The following MGLL variants were observed in gnomAD, a reference collection of about 807,000 sequenced individuals.
MGLL encodes the protein lysophospholipase homolog.
In MGLL, 7 loss-of-function variants were observed where a neutral mutation model predicts 29.1. The ratio of observed to expected loss-of-function variants is 0.24; its 90% confidence interval spans 0.14 to 0.45. The LOEUF is 0.45. MGLL is among the 20% of genes least tolerant of loss of function. MGLL has a pLI of 0.99. For synonymous variants in MGLL, 148 were observed against 168.3 expected, an observed-to-expected ratio of 0.88 and a Z score of 0.93; for missense variants, 356 against 413.6, an observed-to-expected ratio of 0.86 and a Z score of 1.21.
intron 3 of MGLL, among the ~76,000 whole-genome samples, chr3:127,772,829 T>C (rs1576267412): frequency 1.3e-5 from 2 of 152,086 alleles, no homozygotes; most frequent in African/African-American, 4.8e-5. Context: ...GAGGCCTTAT[T>C]AAAGGGGCTG....
chr3:127,819,283 G>T (rs1000519913), intron 2 of MGLL, among the ~76,000 whole-genome samples: 1 of 152,202 alleles, frequency 6.6e-6, no homozygotes, highest in Non-Finnish European at 1.5e-5. Flanking sequence ...CTCACGGCAG[G>T]CTCCAGGAGC....
At chr3:127,737,654 T>TTTTTTTTTTTTTTTTTTTTC (rs2076266330) in intron 3 of MGLL, among the ~76,000 whole-genome samples, 1 of 83,882 alleles carries the variant, frequency 1.2e-5, no homozygotes, top group African/African-American at 4.2e-5. Context: ...TTTTTTTTTT[T>TTTTTTTTTTTTTTTTTTTTC]TTTTTGTGAG....
At chr3:127,747,343 C>T (rs1399867225) in intron 3 of MGLL, among the ~76,000 whole-genome samples, 1 of 152,180 alleles carries the variant, frequency 6.6e-6, no homozygotes, top group Non-Finnish European at 1.5e-5. Context: ...CTTGTCTCTC[C>T]CCTAGAAAAA....
chr3:127,762,887 G>A (rs1398177742), intron 3 of MGLL, among the ~76,000 whole-genome samples: 1 of 152,228 alleles, frequency 6.6e-6, no homozygotes, highest in Non-Finnish European at 1.5e-5. Flanking sequence ...TCACAGACAG[G>A]AGATGTGATG....
chr3:127,738,226 G>A (rs912899332), intron 3 of MGLL, among the ~76,000 whole-genome samples: 4 of 151,906 alleles, frequency 2.6e-5, no homozygotes, highest in South Asian at 2.1e-4. Context: ...GCTTGAGCCC[G>A]GGAAGTTGAG....
chr3:127,789,483 G>A (rs1301129045), intron 2 of MGLL, among the ~76,000 whole-genome samples: 1 of 152,208 alleles, frequency 6.6e-6, no homozygotes, highest in African/African-American at 2.4e-5. Flanking sequence ...CAAAGTAGGG[G>A]AAGACTGCTT....
intron 2 of MGLL, among the ~76,000 whole-genome samples, chr3:127,794,786 A>G (rs2107728349): frequency 6.6e-6 from 1 of 152,316 alleles, no homozygotes. Flanking sequence ...TCTATGATGT[A>G]AGACTCTCTT....
intron 5 of MGLL, chr3:127,715,845 T>G (rs1350021461): frequency 2.2e-6 from 1 of 455,874 alleles, no homozygotes; most frequent in Non-Finnish European, 4.4e-6. Context: ...CAGAGGGGAG[T>G]TGCTCACCCA....
intron 6 of MGLL, among the ~76,000 whole-genome samples, chr3:127,701,369 A>G (rs1485529203): frequency 1.3e-5 from 2 of 151,982 alleles, no homozygotes; most frequent in African/African-American, 4.8e-5. Flanking sequence ...TCTCCCACAC[A>G]TTCCCTCCCA....
At chr3:127,722,604 C>A in intron 3 of MGLL, 38 bp from the exon 4 acceptor site, 1 of 1,614,110 alleles carries the variant, frequency 6.2e-7, no homozygotes, top group Non-Finnish European at 8.5e-7. Context: ...GCTGCAGTTA[C>A]CAGGTCGACT....
chr3:127,800,150 G>A (rs978309086), intron 2 of MGLL, among the ~76,000 whole-genome samples: 1 of 152,046 alleles, frequency 6.6e-6, no homozygotes, highest in African/African-American at 2.4e-5. Flanking sequence ...ACCAGCTTTG[G>A]TGATTGAACC....
At chr3:127,716,535 T>G (rs1245821312) in intron 5 of MGLL, among the ~76,000 whole-genome samples, 1 of 152,250 alleles carries the variant, frequency 6.6e-6, no homozygotes, top group Admixed American at 6.5e-5. Context: ...GTCCCACAGC[T>G]GAAGTCAACA....
intron 2 of MGLL, among the ~76,000 whole-genome samples, chr3:127,792,488 G>A (rs1218562963): frequency 6.6e-6 from 1 of 152,120 alleles, no homozygotes; most frequent in Non-Finnish European, 1.5e-5. Flanking sequence ...CAGATCATGA[G>A]GTCAAGAAAT....
At chr3:127,708,720 A>G (rs1559912751) in intron 6 of MGLL, among the ~76,000 whole-genome samples, 1 of 152,214 alleles carries the variant, frequency 6.6e-6, no homozygotes, top group Admixed American at 6.5e-5. Context: ...CTGCCGCTAC[A>G]AAGATCACTG....
At position 127,758,654 on chromosome 3, in the gene MGLL, G is replaced by A. The variant is rs546711757; in HGVS notation, c.262+23135C>T. Among the ~76,000 whole-genome samples, 4 of 152,340 alleles carry A rather than the reference G, an allele frequency of 2.6e-5. No individual in the cohort carries two copies. The South Asian group carries it at 6.2e-4, about 24-fold the overall frequency. The stretch of plus-strand genomic sequence containing the variant: ...TCCTAACAATTCGGCTGTACCGAGC[G>A]AGGAGAATGGGGGAAGTCACCTGTA... On this transcript the variant is annotated intron_variant, in intron 3 of 7. Transcript: ENST00000265052.
In MGLL at chr3:127,713,903, G is replaced by C. The variant is rs559109083; in HGVS notation, c.511-3238C>G. ...CGCCTCAAGGATCAGCGCAGCTTGAGCCATCCTTGAAGTGGTTTCACAGAG... is the reference window on the plus strand; with the variant it reads ...CGCCTCAAGGATCAGCGCAGCTTGACCCATCCTTGAAGTGGTTTCACAGAG... On this transcript the variant is annotated intron_variant, in intron 5 of 7. Transcript: ENST00000265052. The C allele has an allele frequency of 2.0e-5, 3 of 152,418 alleles. No homozygotes were observed. In the East Asian group the frequency reaches 5.8e-4, roughly 29 times the overall value. The allele number at this position is 152,418 out of a possible 1,614,324, so 9.4% of individuals were successfully genotyped here. A position where few individuals can be genotyped will look rare whatever the true frequency, so the allele number is the denominator to read the frequency against.
At chr3:127,764,800 A>C (rs774355584) in intron 3 of MGLL, among the ~76,000 whole-genome samples, 9 of 152,204 alleles carry the variant, frequency 5.9e-5, no homozygotes, top group Non-Finnish European at 1.2e-4. Context: ...GCGGAAAAGT[A>C]GTCACCCCAA....
At chr3:127,774,140 C>T (rs1471842382) in intron 3 of MGLL, among the ~76,000 whole-genome samples, 1 of 152,268 alleles carries the variant, frequency 6.6e-6, no homozygotes, top group Non-Finnish European at 1.5e-5. Flanking sequence ...CACTGCTCAC[C>T]TGCTGTTCTG....
intron 2 of MGLL, among the ~76,000 whole-genome samples, chr3:127,814,224 T>TG (rs949780284): frequency 7.9e-5 from 12 of 152,282 alleles, no homozygotes; most frequent in African/African-American, 2.6e-4. Flanking sequence ...AAGGTCAACT[T>TG]GGGGCAGCTG....
Sources: gnomAD v4.1 joint callset for allele counts (sites outside exome capture counted in the v4.1 genomes callset) on GRCh38, gnomAD v4.1.1 for gene constraint, MANE v1.5 for transcripts, NCBI Gene and HGNC (gene_info 2026-07-23, HGNC 2026-07-21) for gene names.